The following TSPAN18 variants were observed in gnomAD, a reference collection of about 807,000 sequenced individuals.
The protein encoded by TSPAN18 is tetraspanin 18.
TSPAN18 carries 14 observed loss-of-function variants against 27.3 expected under a neutral mutation model. That is an observed-to-expected ratio of 0.51 (90% confidence interval 0.34 to 0.80). The LOEUF (loss-of-function observed/expected upper bound fraction) is 0.80, where lower values mean the gene tolerates loss of function less well. Ranked by LOEUF, TSPAN18 falls within the 30% of genes least tolerant of loss-of-function variation. The pLI, the probability that TSPAN18 is intolerant of heterozygous loss-of-function variation, is 0.01. For synonymous variants in TSPAN18, 143 were observed against 136.5 expected (o/e 1.05, Z -0.33); for missense variants, 268 against 323.9 (o/e 0.83, Z 1.32).
chr11:44,831,871 G>A (rs1349605737), intron 2 of TSPAN18, among the ~76,000 whole-genome samples: 3 of 152,092 alleles, frequency 2.0e-5, no homozygotes, highest in Non-Finnish European at 4.4e-5. Flanking sequence ...TTGGAGGAGG[G>A]GATATTTGAG....
chr11:44,881,464 G>T (rs770447717), intron 3 of TSPAN18, among the ~76,000 whole-genome samples: 9 of 152,192 alleles, frequency 5.9e-5, no homozygotes, highest in Non-Finnish European at 1.0e-4. Flanking sequence ...TCAAGAAGTT[G>T]AGCAAAGAAC....
At chr11:44,812,954 G>A (rs1165111999) in intron 2 of TSPAN18, among the ~76,000 whole-genome samples, 1 of 152,182 alleles carries the variant, frequency 6.6e-6, no homozygotes, top group African/African-American at 2.4e-5. Flanking sequence ...GTTGAATGAG[G>A]GAGCAAAGCC....
intron 2 of TSPAN18, among the ~76,000 whole-genome samples, chr11:44,824,944 T>G (rs190072762): frequency 3.5e-4 from 53 of 152,194 alleles, no homozygotes; most frequent in Non-Finnish European, 5.7e-4. Context: ...CTCATCCTTG[T>G]CCTCCCTACA....
At chr11:44,783,042 T>A (rs538158425) in intron 2 of TSPAN18, among the ~76,000 whole-genome samples, 1 of 152,316 alleles carries the variant, frequency 6.6e-6, no homozygotes, top group East Asian at 1.9e-4. Flanking sequence ...TTGGCCAGGC[T>A]GGTCTCGAAC....
intron 1 of TSPAN18, among the ~76,000 whole-genome samples, chr11:44,751,002 T>C (rs1172914438): frequency 2.0e-5 from 3 of 152,206 alleles, no homozygotes; most frequent in African/African-American, 7.2e-5. Context: ...AATAAACCAA[T>C]TCTTTAGTGT....
chr11:44,852,860 T>G (rs1857639118), intron 2 of TSPAN18, among the ~76,000 whole-genome samples: 1 of 152,136 alleles, frequency 6.6e-6, no homozygotes, highest in Non-Finnish European at 1.5e-5. Context: ...CAGATAAACC[T>G]CACCTCCCAG....
chr11:44,795,735 C>T (rs923922462), intron 2 of TSPAN18, among the ~76,000 whole-genome samples: 3 of 152,034 alleles, frequency 2.0e-5, no homozygotes, highest in East Asian at 1.9e-4. Flanking sequence ...CACCAGACCC[C>T]GCTGGAGTCT....
intron 1 of TSPAN18, among the ~76,000 whole-genome samples, chr11:44,755,315 A>C (rs887846389): frequency 6.6e-6 from 1 of 152,050 alleles, no homozygotes; most frequent in African/African-American, 2.4e-5. Flanking sequence ...CTTTCTGAGG[A>C]TGTCATGGTT....
intron 3 of TSPAN18, among the ~76,000 whole-genome samples, chr11:44,868,752 GGA>G (rs1174390986): frequency 6.6e-6 from 1 of 152,186 alleles, no homozygotes; most frequent in Non-Finnish European, 1.5e-5. Context: ...GGGCAGAACC[GGA>G]GAGGGGGAAG....
intron 4 of TSPAN18, among the ~76,000 whole-genome samples, chr11:44,908,759 A>AAAGAAAG (rs3051392): frequency 2.4e-5 from 1 of 42,530 alleles, no homozygotes; most frequent in African/African-American, 8.2e-5. Context: ...AGAGAGAGAG[A>AAAGAAAG]GAGAGAAAGG....
At chr11:44,868,657 A>G (rs979082793) in intron 3 of TSPAN18, among the ~76,000 whole-genome samples, 1 of 152,164 alleles carries the variant, frequency 6.6e-6, no homozygotes, top group Non-Finnish European at 1.5e-5. Context: ...AGGAGCTTCC[A>G]ATGAGCTCAT....
At chr11:44,766,087 A>G (rs1855562028) in intron 2 of TSPAN18, among the ~76,000 whole-genome samples, 2 of 152,258 alleles carry the variant, frequency 1.3e-5, no homozygotes, top group South Asian at 2.1e-4. Context: ...GGCATTTTCT[A>G]TTTTGGCTGC....
intron 2 of TSPAN18, among the ~76,000 whole-genome samples, chr11:44,811,125 AACACACACACAC>A (rs61153202): frequency 0.023 from 3,337 of 142,550 alleles, 136 homozygotes; most frequent in African/African-American, 0.079. Flanking sequence ...CTGGAGTTTT[AACACACACACAC>A]ACACACACAC....
intron 2 of TSPAN18, among the ~76,000 whole-genome samples, chr11:44,831,569 G>C (rs536136402): frequency 6.6e-6 from 1 of 152,166 alleles, no homozygotes; most frequent in Non-Finnish European, 1.5e-5. Context: ...ACCACTCCTA[G>C]GTCCTACTGG....
rs147611775 is a variant in TSPAN18 at position 44,812,763 on chromosome 11, G to A, written c.-152-47565G>A. Among the ~76,000 whole-genome samples, 994 of 152,284 alleles carry A rather than the reference G, an allele frequency of 6.5e-3. 5 individuals carry two copies. The highest frequency in any genetic ancestry group is 0.01 in the Non-Finnish European group (686 of 68,018). ...ATGCTGCAGGATTCTTAGCTAAAGCGGGTATCTGAGGGAGGGAGAGGGGGT... is the reference window on the plus strand; with the variant it reads ...ATGCTGCAGGATTCTTAGCTAAAGCAGGTATCTGAGGGAGGGAGAGGGGGT... On this transcript the variant is annotated intron_variant, in intron 2 of 9. Transcript: ENST00000520358.
intron 3 of TSPAN18, among the ~76,000 whole-genome samples, chr11:44,861,356 C>T (rs943615443): frequency 1.4e-5 from 2 of 147,534 alleles, no homozygotes; most frequent in Admixed American, 1.4e-4. Context: ...ATTGGCCAGA[C>T]TGGGTCAGTT....
In TSPAN18 at chr11:44,795,327, G is replaced by A. The variant is rs1856324192; in HGVS notation, c.-153+30815G>A. ...CCCCTGGTCCTGATGTTGGCATGAG[G>A]CGATGTTTAAGATGCCTGCCCTGGA... is the stretch of plus-strand genomic sequence containing the variant. On this transcript the variant is annotated intron_variant, in intron 2 of 9. Transcript: ENST00000520358. 2.7e-5 allele frequency among the ~76,000 whole-genome samples: 4 copies of A among 145,918 alleles called. No homozygotes were observed. In the Admixed American group the frequency reaches 2.8e-4, roughly 10 times the overall value.
intron 1 of TSPAN18, among the ~76,000 whole-genome samples, chr11:44,750,767 A>G (rs894270832): frequency 1.5e-4 from 23 of 152,332 alleles, no homozygotes; most frequent in African/African-American, 5.3e-4. Flanking sequence ...CCCAGCTAGG[A>G]TGAGGAGCAG....
intron 5 of TSPAN18, among the ~76,000 whole-genome samples, chr11:44,914,832 A>C (rs924929473): frequency 1.3e-5 from 2 of 152,218 alleles, no homozygotes; most frequent in Non-Finnish European, 2.9e-5. Flanking sequence ...GCAAGGACTC[A>C]GCAGGTAGCT....
Sources: allele counts gnomAD v4.1 joint callset (sites outside exome capture counted in the v4.1 genomes callset), GRCh38; gene constraint gnomAD v4.1.1; transcripts MANE v1.5; gene names NCBI Gene and HGNC (gene_info 2026-07-23, HGNC 2026-07-21).